ST8SIA6: variants seen among roughly 807,000 people sequenced by gnomAD.
ST8SIA6 encodes alpha-2,8-sialyltransferase 8F.
ST8SIA6 carries 39 observed loss-of-function variants against 33.6 expected under a neutral mutation model. The observed-to-expected ratio is 1.16, with a 90% confidence interval of 0.90 to 1.52. The LOEUF (loss-of-function observed/expected upper bound fraction) is 1.52, where lower values mean the gene tolerates loss of function less well. Ranked by LOEUF, ST8SIA6 falls within the 40% of genes most tolerant of loss-of-function variation. The pLI, the probability that ST8SIA6 is intolerant of heterozygous loss-of-function variation, is 0.00. For synonymous variants in ST8SIA6, 172 were observed against 167.2 expected, an observed-to-expected ratio of 1.03 and a Z score of -0.22; for missense variants, 441 against 443.8, an observed-to-expected ratio of 0.99 and a Z score of 0.06.
chr10:17,447,365 C>A (rs1186239639), intron 2 of ST8SIA6, among the ~76,000 whole-genome samples: 1 of 151,940 alleles, frequency 6.6e-6, no homozygotes, highest in Non-Finnish European at 1.5e-5. Flanking sequence ...AAGATTGCGC[C>A]ACTGCTCTCC....
intron 4 of ST8SIA6, among the ~76,000 whole-genome samples, chr10:17,334,128 A>G (rs1848426254): frequency 6.6e-6 from 1 of 151,976 alleles, no homozygotes; most frequent in Admixed American, 6.6e-5. Flanking sequence ...GGACCTACTC[A>G]CCAATAGAAA....
At chr10:17,368,006 TTTA>T (rs1377372720) in intron 3 of ST8SIA6, among the ~76,000 whole-genome samples, 1 of 152,136 alleles carries the variant, frequency 6.6e-6, no homozygotes, top group Non-Finnish European at 1.5e-5. Context: ...CACTTATCCT[TTTA>T]TTTTCATATA....
At chr10:17,422,628 G>A (rs1851813558) in intron 2 of ST8SIA6, among the ~76,000 whole-genome samples, 1 of 152,142 alleles carries the variant, frequency 6.6e-6, no homozygotes. Flanking sequence ...GATTAATCAG[G>A]TAATACACAT....
intron 2 of ST8SIA6, among the ~76,000 whole-genome samples, chr10:17,413,154 T>C (rs1047818050): frequency 5.8e-4 from 89 of 152,222 alleles, no homozygotes; most frequent in African/African-American, 2.1e-3. Context: ...ATGCATTTTT[T>C]AATTCAAGGA....
chr10:17,333,331 G>C (rs1381965830), intron 4 of ST8SIA6, among the ~76,000 whole-genome samples: 1 of 151,814 alleles, frequency 6.6e-6, no homozygotes, highest in Admixed American at 6.6e-5. Context: ...ATAATTTATA[G>C]AGTCAATGCT....
At position 17,448,782 on chromosome 10, in the gene ST8SIA6, ATTTT is replaced by A. The variant is rs753562099; in HGVS notation, c.200+4773_200+4776del. Among the ~76,000 whole-genome samples, 17 of 123,558 alleles carry A rather than the reference ATTTT, an allele frequency of 1.4e-4. No homozygotes were observed. The East Asian group carries it at 2.9e-3, about 21-fold the overall frequency. 81.1% of individuals were successfully genotyped at this position (123,558 alleles called of 152,430 possible). On this transcript the variant is annotated intron_variant, in intron 2 of 7. Transcript: ENST00000377602. ...AGGTGCCCGCCACCACGCCAGGCTA[ATTTT>A]TTTTTTTTTTTTTTTTTTGTTAGAG... is the stretch of plus-strand genomic sequence containing the variant.
At chr10:17,423,064 G>T (rs954020505) in intron 2 of ST8SIA6, among the ~76,000 whole-genome samples, 1 of 152,174 alleles carries the variant, frequency 6.6e-6, no homozygotes, top group Non-Finnish European at 1.5e-5. Context: ...TCATTTGGCT[G>T]CACCGGAGCC....
At position 17,315,805 on chromosome 10, in the gene ST8SIA6, T is replaced by C. The variant is rs140135580; in HGVS notation, c.*5073A>G. On this transcript the variant is annotated 3_prime_UTR_variant, in exon 8 of 8. Coordinates refer to ENST00000377602, the MANE Select transcript of ST8SIA6 (RefSeq NM_001004470.3). ...AGCACAAGAAAACATTTTGGGGTAA[T>C]GAATATATACATTGTCTTAATTGGA... Among the ~76,000 whole-genome samples the C allele has an allele frequency of 6.6e-6, 1 of 151,916 alleles. No homozygotes were observed.
At chr10:17,439,341 G>A (rs547958211) in intron 2 of ST8SIA6, among the ~76,000 whole-genome samples, 140 of 148,986 alleles carry the variant, frequency 9.4e-4, no homozygotes, top group Admixed American at 3.5e-3. Flanking sequence ...GTGCAGTGGT[G>A]CAATCTTGGC....
At chr10:17,325,173 T>C (rs1848087384) in intron 6 of ST8SIA6, among the ~76,000 whole-genome samples, 1 of 141,764 alleles carries the variant, frequency 7.1e-6, no homozygotes, top group South Asian at 2.2e-4. Context: ...AATATGTACA[T>C]ATGTAATGTA....
At chr10:17,428,192 G>C (rs1851994344) in intron 2 of ST8SIA6, among the ~76,000 whole-genome samples, 1 of 152,100 alleles carries the variant, frequency 6.6e-6, no homozygotes. Context: ...TATTCCATAG[G>C]TTGCTTTGAT....
At position 17,320,629 on chromosome 10, in the gene ST8SIA6, C is replaced by T. The variant is rs1276602411; in HGVS notation, c.*249G>A. On this transcript the variant is annotated 3_prime_UTR_variant, in exon 8 of 8. Coordinates refer to ENST00000377602, the MANE Select transcript of ST8SIA6 (RefSeq NM_001004470.3). Reference sequence around the variant, plus strand: ...TCCCTACCTCACACCAAAGGCCATGCCAATAATTTTCATAAATTATAAAAA... The same window carrying T: ...TCCCTACCTCACACCAAAGGCCATGTCAATAATTTTCATAAATTATAAAAA... 2.1e-6 allele frequency: 1 copy of T among 483,644 alleles called. No individual in the cohort carries two copies. The highest frequency in any genetic ancestry group is 3.6e-5 in the East Asian group (1 of 27,562). 30.0% of individuals were successfully genotyped at this position (483,644 alleles called of 1,614,324 possible). A position where few individuals can be genotyped will look rare whatever the true frequency, so the allele number is the denominator to read the frequency against.
At chr10:17,359,226 G>C (rs989594463) in intron 4 of ST8SIA6, among the ~76,000 whole-genome samples, 2 of 152,054 alleles carry the variant, frequency 1.3e-5, no homozygotes, top group Non-Finnish European at 2.9e-5. Flanking sequence ...AATGTAAATG[G>C]TACCAAAAAA....
At chr10:17,416,206 C>T (rs1300066634) in intron 2 of ST8SIA6, among the ~76,000 whole-genome samples, 1 of 152,092 alleles carries the variant, frequency 6.6e-6, no homozygotes, top group East Asian at 1.9e-4. Flanking sequence ...TTTCTGCATC[C>T]CTGGCTGCTC....
chr10:17,394,498 C>G (rs1480206918), intron 2 of ST8SIA6, among the ~76,000 whole-genome samples: 1 of 152,014 alleles, frequency 6.6e-6, no homozygotes, highest in Admixed American at 6.6e-5. Context: ...TTCCTCAAAT[C>G]AGTCATTGTT....
At chr10:17,342,945 AAAAAAT>A (rs1588810432) in intron 4 of ST8SIA6, among the ~76,000 whole-genome samples, 1 of 152,154 alleles carries the variant, frequency 6.6e-6, no homozygotes, top group Non-Finnish European at 1.5e-5. Flanking sequence ...ACACCCTCTC[AAAAAAT>A]AAAAATAAGA....
intron 6 of ST8SIA6, among the ~76,000 whole-genome samples, chr10:17,326,345 G>A (rs1344739364): frequency 6.6e-6 from 1 of 152,102 alleles, no homozygotes; most frequent in Non-Finnish European, 1.5e-5. Flanking sequence ...TCCTCAGAAG[G>A]ATAAATTACC....
At chr10:17,358,378 A>C (rs916438416) in intron 4 of ST8SIA6, among the ~76,000 whole-genome samples, 26 of 152,212 alleles carry the variant, frequency 1.7e-4, no homozygotes, top group Non-Finnish European at 2.8e-4. Flanking sequence ...AAAGAGAACC[A>C]TACTGCAGAT....
intron 2 of ST8SIA6, among the ~76,000 whole-genome samples, chr10:17,428,454 A>G (rs1852000891): frequency 6.6e-6 from 1 of 152,150 alleles, no homozygotes; most frequent in Non-Finnish European, 1.5e-5. Context: ...CTGCTGTTGC[A>G]TTGTTCTCAA....
Sources: allele counts gnomAD v4.1 joint callset (sites outside exome capture counted in the v4.1 genomes callset), GRCh38; gene constraint gnomAD v4.1.1; transcripts MANE v1.5; gene names NCBI Gene and HGNC (gene_info 2026-07-23, HGNC 2026-07-21).